Variants in PLEKHH2 observed in about 807,000 individuals in gnomAD.
The protein encoded by PLEKHH2 is pleckstrin homology, MyTH4 and FERM domain containing H2, also known as pleckstrin homology domain-containing family H member 2.
Under a neutral mutation model 187.9 loss-of-function variants are expected in PLEKHH2, and 129 were observed. That is an observed-to-expected ratio of 0.69 (90% CI 0.59 to 0.79). PLEKHH2 has a LOEUF of 0.79. Among genes scored for constraint, PLEKHH2 ranks in the 30% least tolerant of loss-of-function variants. The pLI, the probability that PLEKHH2 is intolerant of heterozygous loss-of-function variation, is 0.00. For missense variants in PLEKHH2, 2,076 were observed against 1,751.2 expected, an observed-to-expected ratio of 1.19 and a Z score of -3.31; for synonymous variants, 686 against 605.6, an observed-to-expected ratio of 1.13 and a Z score of -1.95.
chr2:43,692,760 G>A (rs1668874002), intron 4 of PLEKHH2, 97 bp downstream of exon 4: 4 of 1,303,210 alleles, frequency 3.1e-6, no homozygotes, highest in Non-Finnish European at 3.2e-6. Context: ...TATATTTGGG[G>A]AGAAATATTG....
chr2:43,692,795 G>A (rs17031284), intron 4 of PLEKHH2, 132 bp downstream of exon 4: 3 of 983,718 alleles, frequency 3.0e-6, no homozygotes, highest in South Asian at 3.2e-5. Context: ...CCATAGGATT[G>A]CATCACATTT....
chr2:43,760,629 C>T (rs563931279), intron 27 of PLEKHH2, among the ~76,000 whole-genome samples: 1 of 152,314 alleles, frequency 6.6e-6, no homozygotes, highest in Non-Finnish European at 1.5e-5. Flanking sequence ...TCCCAAAGTG[C>T]TGGGATTACA....
chr2:43,705,251 CTTTTTTTT>C (rs5830767), intron 9 of PLEKHH2, among the ~76,000 whole-genome samples: 73 of 95,864 alleles, frequency 7.6e-4, no homozygotes, highest in African/African-American at 3.1e-3. Context: ...AAATTTTATC[CTTTTTTTT>C]TTTTTTTTTT....
At chr2:43,687,817 GA>G (rs1668593813) in intron 3 of PLEKHH2, among the ~76,000 whole-genome samples, 1 of 151,440 alleles carries the variant, frequency 6.6e-6, no homozygotes, top group South Asian at 2.1e-4. Flanking sequence ...TTTTTTTCAA[GA>G]CAGGGTCTTC....
chr2:43,744,741 A>G (rs4953007), intron 23 of PLEKHH2, among the ~76,000 whole-genome samples: 32,029 of 151,080 alleles, frequency 0.21, 3,600 homozygotes, highest in Middle Eastern at 0.3. Flanking sequence ...GGTGCCACAC[A>G]CCTGTAGTCC....
At chr2:43,742,984 G>C in intron 22 of PLEKHH2, 66 bp downstream of exon 22, 1 of 1,254,988 alleles carries the variant, frequency 8.0e-7, no homozygotes, top group Non-Finnish European at 1.1e-6. Flanking sequence ...ATAGGGAACA[G>C]AGACTTCTCT....
At chr2:43,656,894 C>T (rs12993742) in intron 2 of PLEKHH2, among the ~76,000 whole-genome samples, 61,562 of 151,988 alleles carry the variant, frequency 0.41, 12,744 homozygotes, top group Non-Finnish European at 0.44. Flanking sequence ...TGGCAAGTAT[C>T]TGTAATCCCA....
chr2:43,763,648 G>T (rs1326170832), intron 28 of PLEKHH2, among the ~76,000 whole-genome samples: 1 of 149,496 alleles, frequency 6.7e-6, no homozygotes, highest in African/African-American at 2.5e-5. Flanking sequence ...CTAGGCTCAA[G>T]TGATCCTCCC....
chr2:43,744,417 C>T (rs995547177), intron 23 of PLEKHH2, among the ~76,000 whole-genome samples: 3 of 152,270 alleles, frequency 2.0e-5, no homozygotes, highest in South Asian at 2.1e-4. Flanking sequence ...TTAAAATTTG[C>T]TTACGGAAGA....
rs201362397 is a variant in PLEKHH2, at chr2:43,644,814, G to C, written c.123+18G>C. The C allele has an allele frequency of 2.1e-5, 34 of 1,588,514 alleles. No individual in the cohort carries two copies. In the African/African-American group the frequency reaches 4.3e-4, roughly 20 times the overall value. ...CAGAGAAGGTAAGCTTTCTCCCTAAGCTTTGTTATTAAATGTCAGCTATTT... is the reference window on the plus strand; with the variant it reads ...CAGAGAAGGTAAGCTTTCTCCCTAACCTTTGTTATTAAATGTCAGCTATTT... On this transcript the variant is annotated intron_variant, in intron 2 of 29. Coordinates refer to ENST00000282406, the MANE Select transcript of PLEKHH2 (RefSeq NM_172069.4).
chr2:43,682,714 A>G (rs75838451), intron 3 of PLEKHH2, among the ~76,000 whole-genome samples: 2,925 of 152,266 alleles, frequency 0.019, 37 homozygotes, highest in African/African-American at 0.024. Flanking sequence ...TTATTCATTA[A>G]GCATTTAGTC....
chr2:43,744,087 T>A, intron 23 of PLEKHH2, 98 bp downstream of exon 23: 2 of 1,486,720 alleles, frequency 1.3e-6, no homozygotes, highest in Non-Finnish European at 1.8e-6. Context: ...AATTCAGGAG[T>A]TTTCCAAAAC....
chr2:43,717,398 A>G (rs1260468861), intron 15 of PLEKHH2, among the ~76,000 whole-genome samples: 1 of 149,042 alleles, frequency 6.7e-6, no homozygotes, highest in African/African-American at 2.5e-5. Context: ...AGACTGGGCA[A>G]CTGAGTGAGA....
In PLEKHH2 at chr2:43,699,972, A is replaced by G. The variant is rs780417923; in HGVS notation, c.1014A>G (p.Glu338=). Reference sequence around the variant, plus strand: ...ATGACAGCAGCTCTATATTTGAGGAAGAGACTTTTGGCATAAAGAGACCAG... The same window carrying G: ...ATGACAGCAGCTCTATATTTGAGGAGGAGACTTTTGGCATAAAGAGACCAG... ...ASDDSSSIFE[E]ETFGIKRPEH... is the part of the protein sequence containing the mutation. The change falls in exon 8 of 30, where the codon GAA becomes GAG. Residue 338 remains glutamate (E), a synonymous_variant. Coordinates refer to ENST00000282406, the MANE Select transcript of PLEKHH2 (RefSeq NM_172069.4). 81 of 1,614,092 alleles carry G rather than the reference A, an allele frequency of 5.0e-5. No individual in the cohort carries two copies. In the South Asian group the frequency reaches 8.7e-4, roughly 17 times the overall value.
intron 19 of PLEKHH2, among the ~76,000 whole-genome samples, chr2:43,737,910 C>T (rs1376441491): frequency 6.6e-6 from 1 of 151,992 alleles, no homozygotes; most frequent in Non-Finnish European, 1.5e-5. Flanking sequence ...TTCACATGTT[C>T]AGGAAGGTAA....
intron 2 of PLEKHH2, among the ~76,000 whole-genome samples, chr2:43,655,442 T>A (rs1666705560): frequency 6.6e-6 from 1 of 152,286 alleles, no homozygotes; most frequent in South Asian, 2.1e-4. Flanking sequence ...AGATAACACT[T>A]TAGAAACTAG....
At chr2:43,675,534 T>C in intron 2 of PLEKHH2, 1 of 1,614,036 alleles carries the variant, frequency 6.2e-7, no homozygotes, top group African/African-American at 1.3e-5. Flanking sequence ...AGCCTTCTAC[T>C]ACTTGCTGAG....
At position 43,693,740 on chromosome 2, in the gene PLEKHH2, A is replaced by G. The variant is rs1668950769; in HGVS notation, c.337-691A>G. ...CTCCATCTCAAAAAAAAAAAAAAAA[A>G]GGAAAAAATTGCACTGGGGATTGGG... On this transcript the variant is annotated intron_variant, in intron 4 of 29. Coordinates refer to ENST00000282406, the MANE Select transcript of PLEKHH2 (RefSeq NM_172069.4). Among the ~76,000 whole-genome samples the G allele has an allele frequency of 1.4e-5, 2 of 146,484 alleles. 1 individual carries two copies. Among genetic ancestry groups the G allele is most frequent in the African/African-American group, 5.1e-5 (2 of 39,142 alleles).
chr2:43,750,447 C>G, intron 24 of PLEKHH2, among the ~76,000 whole-genome samples: 1 of 151,002 alleles, frequency 6.6e-6, no homozygotes, highest in Non-Finnish European at 1.5e-5. Flanking sequence ...TGCCACTGCA[C>G]TCCAGTCTGG....
Sources: allele counts gnomAD v4.1 joint callset (sites outside exome capture counted in the v4.1 genomes callset), GRCh38; gene constraint gnomAD v4.1.1; transcripts MANE v1.5; gene names NCBI Gene and HGNC (gene_info 2026-07-23, HGNC 2026-07-21).